Variants in EPRS1 observed in about 807,000 individuals in gnomAD.
EPRS1 encodes bifunctional glutamate/proline--tRNA ligase.
In EPRS1, 107 loss-of-function variants were observed where a neutral mutation model predicts 188.3. That is an observed-to-expected ratio of 0.57 (90% CI 0.49 to 0.67). The LOEUF (loss-of-function observed/expected upper bound fraction) is 0.67. Among genes scored for constraint, EPRS1 ranks in the 30% least tolerant of loss-of-function variants. EPRS1 has a pLI of 0.00. For missense variants in EPRS1, 1,577 were observed against 1,802.2 expected (o/e 0.88, Z 2.26); for synonymous variants, 596 against 593.1 (o/e 1.00, Z -0.07).
At chr1:219,983,695 C>A (rs1571659567) in intron 21 of EPRS1, among the ~76,000 whole-genome samples, 1 of 152,182 alleles carries the variant, frequency 6.6e-6, no homozygotes, top group East Asian at 1.9e-4. Flanking sequence ...GAGTTCGAGA[C>A]CAGCCTGACC....
chr1:220,029,987 C>T (rs2577141), intron 6 of EPRS1, among the ~76,000 whole-genome samples: 121,972 of 152,098 alleles, frequency 0.8, 49,072 homozygotes, highest in East Asian at 0.93. Context: ...AAAAAAATAA[C>T]TTAAAGACCA....
chr1:219,987,396 T>C lies in EPRS1; in HGVS notation c.2784A>G (p.Val928=). The C allele has an allele frequency of 6.3e-7, 1 of 1,593,664 alleles. No homozygotes were observed. The highest frequency in any genetic ancestry group is 8.5e-7 in the Non-Finnish European group (1 of 1,172,424). ...LKTEKAPKDQ[V]DIAVQELLQL... Reference sequence around the variant, plus strand: ...GAAGGAGTTCTTGAACAGCTATATCTACTTGATCCTTTAGTTTAACAAAAG... The same window carrying C: ...GAAGGAGTTCTTGAACAGCTATATCCACTTGATCCTTTAGTTTAACAAAAG... Residue 928 remains valine (V), a synonymous_variant, in exon 20 of 32, where the codon GTA becomes GTG. Transcript: ENST00000366923.
chr1:219,981,354 A>C, intron 24 of EPRS1, 24 bp downstream of exon 24: 1 of 1,513,906 alleles, frequency 6.6e-7, no homozygotes, highest in Non-Finnish European at 9.0e-7. Flanking sequence ...TAATAATAGA[A>C]TACAAGAGGG....
intron 12 of EPRS1, among the ~76,000 whole-genome samples, chr1:220,017,149 G>T (rs1001825673): frequency 3.2e-4 from 49 of 152,180 alleles, no homozygotes; most frequent in African/African-American, 1.1e-3. Flanking sequence ...GGAGGCAGAG[G>T]TTGCAGTGAG....
intron 1 of EPRS1, among the ~76,000 whole-genome samples, chr1:220,044,225 C>T (rs779921766): frequency 2.4e-4 from 37 of 152,120 alleles, no homozygotes; most frequent in African/African-American, 8.9e-4. Flanking sequence ...AATTATATTA[C>T]TTAAAGATAA....
chr1:220,005,832 T>G (rs1393844800), intron 15 of EPRS1, among the ~76,000 whole-genome samples: 128 of 40,680 alleles, frequency 3.1e-3, no homozygotes, highest in African/African-American at 0.012. Flanking sequence ...TTTTTTTGTT[T>G]TTTTTTTTGT....
intron 12 of EPRS1, among the ~76,000 whole-genome samples, chr1:220,015,009 T>C (rs1183610964): frequency 1.3e-5 from 2 of 151,976 alleles, no homozygotes; most frequent in Non-Finnish European, 2.9e-5. Flanking sequence ...ATAAATAAAA[T>C]TCAACAGAAA....
At chr1:220,026,146 A>G (rs1346108236) in intron 6 of EPRS1, among the ~76,000 whole-genome samples, 2 of 152,202 alleles carry the variant, frequency 1.3e-5, no homozygotes, top group Non-Finnish European at 2.9e-5. Flanking sequence ...GTTCAGGGGT[A>G]CATGTGAAGT....
At chr1:220,007,410 T>A in intron 13 of EPRS1, 72 bp from the exon 14 acceptor site, 1 of 1,435,148 alleles carries the variant, frequency 7.0e-7, no homozygotes, top group Non-Finnish European at 9.6e-7. Flanking sequence ...AATTTATACA[T>A]TCATTCTATT....
chr1:219,985,511 GC>G (rs1195982775), intron 20 of EPRS1, among the ~76,000 whole-genome samples: 3 of 151,974 alleles, frequency 2.0e-5, no homozygotes, highest in Non-Finnish European at 4.4e-5. Flanking sequence ...TCGTGCCTCA[GC>G]CCCCCTCCCC....
chr1:220,033,853 C>T (rs993279848), intron 3 of EPRS1, among the ~76,000 whole-genome samples, 195 bp from the exon 4 acceptor site: 4 of 149,800 alleles, frequency 2.7e-5, no homozygotes, highest in South Asian at 2.1e-4. Flanking sequence ...TAAATAAATG[C>T]CACATTTATT....
chr1:219,980,725 C>A (rs1269733697), intron 25 of EPRS1, 31 bp downstream of exon 25: 2 of 1,464,982 alleles, frequency 1.4e-6, no homozygotes, highest in Non-Finnish European at 1.9e-6. Flanking sequence ...AATAATGGAA[C>A]ATAGTTAATA....
intron 1 of EPRS1, among the ~76,000 whole-genome samples, chr1:220,043,013 A>C (rs771939969): frequency 2.0e-5 from 3 of 152,210 alleles, no homozygotes; most frequent in Non-Finnish European, 4.4e-5. Context: ...GTATTATCCT[A>C]GGCACATATG....
At chr1:220,005,466 A>G (rs1286312459) in intron 15 of EPRS1, 106 bp from the exon 16 acceptor site, 1 of 570,768 alleles carries the variant, frequency 1.8e-6, no homozygotes, top group Admixed American at 3.6e-5. Context: ...CATTTTAAAC[A>G]GATATGTTAA....
intron 6 of EPRS1, among the ~76,000 whole-genome samples, chr1:220,029,897 C>CA (rs1187419346): frequency 6.6e-6 from 1 of 152,094 alleles, no homozygotes; most frequent in African/African-American, 2.4e-5. Flanking sequence ...CCATGGGTGC[C>CA]AAGAGATGAA....
chr1:219,989,485 T>G (rs1008058126), intron 18 of EPRS1, among the ~76,000 whole-genome samples: 3 of 151,328 alleles, frequency 2.0e-5, no homozygotes, highest in Admixed American at 1.3e-4. Flanking sequence ...TGCTACTATC[T>G]CACCACAAAC....
chr1:220,039,097 T>C (rs777161957), intron 2 of EPRS1, among the ~76,000 whole-genome samples: 4 of 152,230 alleles, frequency 2.6e-5, no homozygotes, highest in Non-Finnish European at 4.4e-5. Flanking sequence ...ACAGGTACCC[T>C]GATTCTGAGG....
chr1:220,022,995 C>T (rs1021584460), intron 8 of EPRS1, among the ~76,000 whole-genome samples: 6 of 152,164 alleles, frequency 3.9e-5, no homozygotes, highest in African/African-American at 1.4e-4. Context: ...CACTACAGAC[C>T]GTGCCTATCT....
At position 220,009,747 on chromosome 1, in the gene EPRS1, T is replaced by C. The variant is rs1489505696; in HGVS notation, c.1605+1199A>G. ...ATTGTCAACTAAGCAGTCATAAGGA[T>C]CTGGGATGACCACAGCTTAACAAAA... On this transcript the variant is annotated intron_variant, in intron 13 of 31. Transcript: ENST00000366923. 2.0e-5 allele frequency among the ~76,000 whole-genome samples: 3 copies of C among 151,912 alleles called. No individual in the cohort carries two copies. In the East Asian group the frequency reaches 5.8e-4, roughly 29 times the overall value.
Sources: allele counts gnomAD v4.1 joint callset (sites outside exome capture counted in the v4.1 genomes callset), GRCh38; gene constraint gnomAD v4.1.1; transcripts MANE v1.5; gene names NCBI Gene and HGNC (gene_info 2026-07-23, HGNC 2026-07-21).